The following ITGA8 variants were observed in gnomAD, a reference collection of about 807,000 sequenced individuals.
The protein encoded by ITGA8 is integrin subunit alpha 8, also known as integrin alpha-8.
In ITGA8, 91 loss-of-function variants were observed where a neutral mutation model predicts 142.3. The ratio of observed to expected loss-of-function variants is 0.64; its 90% CI spans 0.54 to 0.76. The LOEUF is 0.76. ITGA8 is among the 30% of genes least tolerant of loss of function. The probability of loss-of-function intolerance (pLI) is 0.00; values close to 1 mark genes in which losing one functional copy is unlikely to be tolerated. For missense variants in ITGA8, 1,406 were observed against 1,327.7 expected (o/e 1.06, Z -0.92); for synonymous variants, 505 against 485.2 (o/e 1.04, Z -0.54).
At chr10:15,697,046 A>AACACACACAC (rs1491456295) in intron 2 of ITGA8, among the ~76,000 whole-genome samples, 124,853 of 147,450 alleles carry the variant, frequency 0.85, 54,855 homozygotes, top group East Asian at 0.95. Context: ...TTGTCTCTAA[A>AACACACACAC]ACACACACAC....
chr10:15,545,589 G>A (rs938648646), intron 27 of ITGA8, among the ~76,000 whole-genome samples: 11 of 152,020 alleles, frequency 7.2e-5, no homozygotes, highest in Admixed American at 5.9e-4. Flanking sequence ...CTTGCTAAAT[G>A]TCTTCTACCC....
chr10:15,676,992 A>G (rs1370784777), intron 6 of ITGA8, among the ~76,000 whole-genome samples: 4 of 152,200 alleles, frequency 2.6e-5, no homozygotes, highest in Non-Finnish European at 5.9e-5. Context: ...CTGGGCAACA[A>G]GAGTGAAACT....
At chr10:15,700,260 A>G (rs181142679) in intron 2 of ITGA8, among the ~76,000 whole-genome samples, 1 of 152,138 alleles carries the variant, frequency 6.6e-6, no homozygotes, top group Non-Finnish European at 1.5e-5. Context: ...CACCTCTGCA[A>G]TAATAAAACC....
intron 2 of ITGA8, among the ~76,000 whole-genome samples, chr10:15,710,191 C>G (rs1331151811): frequency 6.6e-6 from 1 of 152,190 alleles, no homozygotes; most frequent in Non-Finnish European, 1.5e-5. Flanking sequence ...GATAGTCTCT[C>G]ATTACAATTT....
At chr10:15,609,896 T>C (rs548367648) in intron 15 of ITGA8, among the ~76,000 whole-genome samples, 1 of 152,318 alleles carries the variant, frequency 6.6e-6, no homozygotes, top group East Asian at 1.9e-4. Flanking sequence ...TCAAAATAAC[T>C]AATTTTTAAA....
chr10:15,646,755 C>G (rs1003413790), intron 12 of ITGA8, 91 bp downstream of exon 12: 1 of 888,888 alleles, frequency 1.1e-6, no homozygotes, highest in Non-Finnish European at 1.8e-6. Flanking sequence ...TGCACCCACA[C>G]ACACCATACT....
intron 2 of ITGA8, among the ~76,000 whole-genome samples, chr10:15,689,568 G>C (rs570527564): frequency 1.4e-4 from 22 of 152,276 alleles, no homozygotes; most frequent in African/African-American, 4.8e-4. Flanking sequence ...GGAGCTACCT[G>C]CATTTCACAC....
intron 26 of ITGA8, among the ~76,000 whole-genome samples, chr10:15,556,018 C>CTTTTTTTTTTTT (rs869241754): frequency 5.6e-5 from 3 of 53,630 alleles, no homozygotes; most frequent in African/African-American, 2.6e-4. Flanking sequence ...CTCTCTCTCT[C>CTTTTTTTTTTTT]TTTTTTTTTT....
chr10:15,562,401 G>T (rs962572493), intron 25 of ITGA8, among the ~76,000 whole-genome samples: 1 of 152,164 alleles, frequency 6.6e-6, no homozygotes, highest in Non-Finnish European at 1.5e-5. Flanking sequence ...GACTGTGCAT[G>T]ACTGAGATTT....
intron 20 of ITGA8, among the ~76,000 whole-genome samples, chr10:15,600,844 T>C (rs1833092487): frequency 1.3e-5 from 2 of 152,178 alleles, no homozygotes; most frequent in African/African-American, 4.8e-5. Context: ...CTAGTTCATA[T>C]CCTTCTCTCC....
In ITGA8 at chr10:15,677,609, C is replaced by T. The variant is rs1834654881; in HGVS notation, c.659G>A (p.Gly220Glu). 2 of 1,613,500 alleles carry T rather than the reference C, an allele frequency of 1.2e-6. No homozygotes were observed. Among genetic ancestry groups the T allele is most frequent in the Non-Finnish European group, 1.7e-6 (2 of 1,179,748 alleles). The change falls in exon 6 of 30, where the codon GGG becomes GAG. Residue 220 changes from glycine (G) to glutamate (E), a missense_variant. Coordinates refer to ENST00000378076, the MANE Select transcript of ITGA8 (RefSeq NM_003638.3). ...KNGDLIVGGPGSFYWQGQVIT... is the reference protein window; with the variant it reads ...KNGDLIVGGPESFYWQGQVIT... Reference sequence around the variant, plus strand: ...GAACATACCTTGCCAGTAGAAACTCCCAGGTCCTCCCACAATAAGGTCTCC... The same window carrying T: ...GAACATACCTTGCCAGTAGAAACTCTCAGGTCCTCCCACAATAAGGTCTCC...
intron 18 of ITGA8, 85 bp from the exon 19 acceptor site, chr10:15,605,876 A>G: frequency 1.6e-6 from 2 of 1,227,578 alleles, no homozygotes; most frequent in East Asian, 2.4e-5. Context: ...TGGTGCCACA[A>G]ACGGAACCAG....
chr10:15,585,481 A>G (rs978354080), intron 23 of ITGA8, among the ~76,000 whole-genome samples: 1 of 152,244 alleles, frequency 6.6e-6, no homozygotes, highest in African/African-American at 2.4e-5. Flanking sequence ...GACCCATGGC[A>G]GCACTGGCTC....
At chr10:15,548,970 G>A (rs9333223) in intron 26 of ITGA8, among the ~76,000 whole-genome samples, 8,419 of 152,080 alleles carry the variant, frequency 0.055, 754 homozygotes, top group African/African-American at 0.19. Flanking sequence ...GTTACTGACC[G>A]ATTGACATAC....
intron 11 of ITGA8, among the ~76,000 whole-genome samples, chr10:15,648,324 G>A (rs1834024699): frequency 6.6e-6 from 1 of 151,892 alleles, no homozygotes; most frequent in Admixed American, 6.6e-5. Context: ...TTATGCCTAT[G>A]TAGATTAGGC....
At chr10:15,668,658 T>A (rs1018260779) in intron 8 of ITGA8, among the ~76,000 whole-genome samples, 2 of 152,026 alleles carry the variant, frequency 1.3e-5, no homozygotes, top group African/African-American at 4.8e-5. Flanking sequence ...TGGCTGGTAC[T>A]GGTTGTTCCT....
chr10:15,550,631 T>A (rs137884404), intron 26 of ITGA8, among the ~76,000 whole-genome samples: 91 of 152,274 alleles, frequency 6.0e-4, no homozygotes, highest in African/African-American at 2.0e-3. Context: ...GACCAGGGCA[T>A]GCTTGAGAAA....
intron 3 of ITGA8, among the ~76,000 whole-genome samples, chr10:15,686,636 T>C (rs1347952272): frequency 6.6e-6 from 1 of 152,238 alleles, no homozygotes; most frequent in Non-Finnish European, 1.5e-5. Context: ...ATGATACTTC[T>C]GGAGGTAGGA....
rs2275618 is a variant in ITGA8 at position 15,655,133 on chromosome 10, C to T, written c.1001+221G>A. 0.58 allele frequency among the ~76,000 whole-genome samples: 88,807 copies of T among 151,958 alleles called. 26,939 individuals carry two copies. The highest frequency in any genetic ancestry group is 0.76 in the South Asian group (3,653 of 4,818). ...AATAAAACGAAATAAAATAGTCCTC[C>T]TCTAGAAGCAGCAGATGTGGAAAAT... On this transcript the variant is annotated intron_variant, in intron 11 of 29. Coordinates refer to ENST00000378076, the MANE Select transcript of ITGA8 (RefSeq NM_003638.3).
Sources: gnomAD v4.1 joint callset for allele counts (sites outside exome capture counted in the v4.1 genomes callset) on GRCh38, gnomAD v4.1.1 for gene constraint, MANE v1.5 for transcripts, NCBI Gene and HGNC (gene_info 2026-07-23, HGNC 2026-07-21) for gene names.